TUSC3: variants seen among roughly 807,000 people sequenced by gnomAD.
TUSC3 encodes dolichyl-diphosphooligosaccharide--protein glycosyltransferase subunit TUSC3.
A neutral mutation model predicts 44.8 loss-of-function variants in TUSC3; 45 were observed. The ratio of observed to expected loss-of-function variants is 1.00; its 90% CI spans 0.79 to 1.29. The LOEUF (loss-of-function observed/expected upper bound fraction) is 1.29. Ranked by LOEUF, TUSC3 falls within the 50% of genes most tolerant of loss-of-function variation. The probability of loss-of-function intolerance (pLI) is 0.00; values close to 1 mark genes in which losing one functional copy is unlikely to be tolerated. For synonymous variants in TUSC3, 212 were observed against 152.9 expected, an observed-to-expected ratio of 1.39 and a Z score of -2.85; for missense variants, 519 against 437.9, an observed-to-expected ratio of 1.19 and a Z score of -1.65.
chr8:15,539,158 T>C (rs144159117), upstream of TUSC3, among the ~76,000 whole-genome samples: 264 of 151,998 alleles, frequency 1.7e-3, 1 homozygote, highest in African/African-American at 6.1e-3. Context: ...TAATACTATG[T>C]ATTTAATTTC....
At chr8:15,479,521 C>T (rs566442073) in intron 1 of TUSC3, among the ~76,000 whole-genome samples, 14 of 152,256 alleles carry the variant, frequency 9.2e-5, no homozygotes, top group African/African-American at 3.4e-4. Flanking sequence ...GTTTTCACAG[C>T]ACCATATATT....
chr8:15,569,366 A>T (rs533726066), intron 1 of TUSC3, among the ~76,000 whole-genome samples: 65 of 152,308 alleles, frequency 4.3e-4, no homozygotes, highest in African/African-American at 1.5e-3. Flanking sequence ...ATATAGATGA[A>T]TTGAGGTGAT....
chr8:15,800,802 C>T, the TUSC3 span, among the ~76,000 whole-genome samples: 1 of 152,096 alleles, frequency 6.6e-6, no homozygotes, highest in Admixed American at 6.5e-5. Flanking sequence ...AAGAAATATG[C>T]AACATGTTCT....
intron 2 of TUSC3, among the ~76,000 whole-genome samples, chr8:15,641,298 T>C (rs1585183359): frequency 1.3e-5 from 2 of 149,528 alleles, no homozygotes; most frequent in Non-Finnish European, 3.0e-5. Flanking sequence ...GAGGTGGAGG[T>C]TGCAGTGAGC....
chr8:15,783,901 G>A, the TUSC3 span, among the ~76,000 whole-genome samples: 1 of 152,126 alleles, frequency 6.6e-6, no homozygotes, highest in Non-Finnish European at 1.5e-5. Flanking sequence ...AGAAGCAGTG[G>A]AATGAAGAGA....
At chr8:15,817,938 G>C in the TUSC3 span, among the ~76,000 whole-genome samples, 2 of 152,130 alleles carry the variant, frequency 1.3e-5, no homozygotes, top group Non-Finnish European at 2.9e-5. Flanking sequence ...CCAGAGTCAG[G>C]TCAAAAGCCC....
At chr8:15,421,821 T>A (rs1265059120) in intron 1 of TUSC3, among the ~76,000 whole-genome samples, 5 of 152,200 alleles carry the variant, frequency 3.3e-5, no homozygotes, top group Admixed American at 3.3e-4. Context: ...GACACGTGCC[T>A]AGTCATGTTG....
chr8:15,795,141 T>G, the TUSC3 span, among the ~76,000 whole-genome samples: 1 of 152,188 alleles, frequency 6.6e-6, no homozygotes, highest in Non-Finnish European at 1.5e-5. Context: ...ACCTCAATCA[T>G]GGCTCCTGGG....
intron 1 of TUSC3, among the ~76,000 whole-genome samples, chr8:15,471,172 C>T (rs1212880443): frequency 6.6e-6 from 1 of 152,144 alleles, no homozygotes; most frequent in Admixed American, 6.5e-5. Context: ...CTCATTGATT[C>T]ACCAAAACTT....
chr8:15,631,667 G>GTT (rs1190523148), intron 2 of TUSC3, among the ~76,000 whole-genome samples: 12 of 114,694 alleles, frequency 1.0e-4, no homozygotes, highest in Non-Finnish European at 2.1e-4. Context: ...GTTTAAGGCT[G>GTT]TTGTGTGTGT....
chr8:15,517,075 A>C (rs1000972659), intron 2 of TUSC3, among the ~76,000 whole-genome samples: 2 of 152,176 alleles, frequency 1.3e-5, no homozygotes, highest in Non-Finnish European at 2.9e-5. Context: ...GACCGACGTC[A>C]CTAATCAATA....
intron 2 of TUSC3, among the ~76,000 whole-genome samples, chr8:15,533,434 C>T (rs1801477651): frequency 3.9e-5 from 6 of 152,094 alleles, no homozygotes; most frequent in Admixed American, 3.9e-4. Flanking sequence ...TGAGTTCTGT[C>T]CTTTGTCTAA....
chr8:15,559,556 C>G (rs1377166744), intron 1 of TUSC3, among the ~76,000 whole-genome samples: 1 of 141,188 alleles, frequency 7.1e-6, no homozygotes, highest in Non-Finnish European at 1.6e-5. Context: ...CCTGGGTATC[C>G]TTGTTGACTT....
intron 5 of TUSC3, among the ~76,000 whole-genome samples, chr8:15,671,034 C>G (rs938890068): frequency 7.9e-5 from 12 of 151,840 alleles, no homozygotes; most frequent in African/African-American, 2.7e-4. Context: ...ACAGCTAATA[C>G]CAATAATTGG....
intron 7 of TUSC3, among the ~76,000 whole-genome samples, chr8:15,735,870 GTT>G (rs747513015): frequency 5.0e-5 from 2 of 40,206 alleles, no homozygotes; most frequent in African/African-American, 1.4e-4. Flanking sequence ...CGGCTAATGG[GTT>G]TTTTTTTTTT....
intron 2 of TUSC3, among the ~76,000 whole-genome samples, chr8:15,524,125 T>G (rs1433177690): frequency 6.6e-6 from 1 of 152,024 alleles, no homozygotes; most frequent in Non-Finnish European, 1.5e-5. Flanking sequence ...TTTTTTATAC[T>G]AAACTAGCCC....
rs571337929 is a variant in TUSC3, at chr8:15,495,228, C to T, written n.189+11745C>T. Among the ~76,000 whole-genome samples, 10 of 152,202 alleles carry T rather than the reference C, an allele frequency of 6.6e-5. No homozygotes were observed. The South Asian group carries it at 2.1e-3, about 32-fold the overall frequency. On this transcript the variant is annotated intron_variant and non_coding_transcript_variant, in intron 2 of 5. Coordinates refer to the TUSC3 transcript ENST00000503191. ...AAGAGTGGCCTCAATTTTTGCCATC[C>T]CTCTCTGGGATAAAATATTTGTTTT...
chr8:15,463,818 T>G (rs1360327087), intron 1 of TUSC3, among the ~76,000 whole-genome samples: 1 of 152,222 alleles, frequency 6.6e-6, no homozygotes, highest in African/African-American at 2.4e-5. Flanking sequence ...CAATTTATAC[T>G]CATTTCTGAG....
chr8:15,693,760 C>G (rs1809026001), intron 6 of TUSC3, among the ~76,000 whole-genome samples: 1 of 152,220 alleles, frequency 6.6e-6, no homozygotes, highest in Admixed American at 6.5e-5. Flanking sequence ...CTTGCTTTCT[C>G]TCCCTTACAG....
Sources: gnomAD v4.1 joint callset for allele counts (sites outside exome capture counted in the v4.1 genomes callset) on GRCh38, gnomAD v4.1.1 for gene constraint, MANE v1.5 for transcripts, NCBI Gene and HGNC (gene_info 2026-07-23, HGNC 2026-07-21) for gene names.